The following RERE variants were observed in gnomAD, a reference collection of about 807,000 sequenced individuals.
The protein encoded by RERE is arginine-glutamic acid dipeptide repeats.
A neutral mutation model predicts 146.1 loss-of-function variants in RERE; 40 were observed. The ratio of observed to expected loss-of-function variants is 0.27; its 90% CI spans 0.21 to 0.36. RERE has a LOEUF of 0.36. Ranked by LOEUF, RERE falls within the 10% of genes least tolerant of loss-of-function variation. The pLI, the probability that RERE is intolerant of heterozygous loss-of-function variation, is 1.00. For missense variants in RERE, 1,933 were observed against 2,138.7 expected (o/e 0.90, Z 1.90); for synonymous variants, 1,003 against 866.0 (o/e 1.16, Z -2.78).
intron 1 of RERE, among the ~76,000 whole-genome samples, chr1:8,788,279 ACAT>A (rs1641295246): frequency 6.6e-6 from 1 of 152,186 alleles, no homozygotes; most frequent in African/African-American, 2.4e-5. Flanking sequence ...TGTTATAATA[ACAT>A]CATAACGTTA....
intron 12 of RERE, among the ~76,000 whole-genome samples, chr1:8,418,086 T>G (rs1356788050): frequency 2.6e-5 from 4 of 152,160 alleles, no homozygotes; most frequent in Non-Finnish European, 5.9e-5. Flanking sequence ...ATGGCAGGTA[T>G]GTAAATGTCG....
At chr1:8,501,850 C>G (rs1324558160) in intron 8 of RERE, among the ~76,000 whole-genome samples, 12 of 128,748 alleles carry the variant, frequency 9.3e-5, no homozygotes, top group Admixed American at 8.8e-4. Context: ...GTGAGGACCC[C>G]TCTGCCCGGC....
rs759456632 is a variant in RERE, at chr1:8,541,337, A to C, written c.726-19T>G. 2 of 1,471,594 alleles carry C rather than the reference A, an allele frequency of 1.4e-6. No individual in the cohort carries two copies. The highest frequency in any genetic ancestry group is 2.3e-5 in the South Asian group (2 of 87,346). The allele number at this position is 1,471,594 out of a possible 1,614,324, so 91.2% of individuals were successfully genotyped here. On this transcript the variant is annotated intron_variant, in intron 6 of 22. Coordinates refer to ENST00000400908, the MANE Select transcript of RERE (RefSeq NM_001042681.2). ...CTTCCCTCTGGGAAAAAGAGAAAAAAATAATTAGTAATACCCTCAACTGCT... is the reference window on the plus strand; with the variant it reads ...CTTCCCTCTGGGAAAAAGAGAAAAACATAATTAGTAATACCCTCAACTGCT...
At chr1:8,542,232 G>A (rs886714084) in intron 6 of RERE, among the ~76,000 whole-genome samples, 4 of 152,106 alleles carry the variant, frequency 2.6e-5, no homozygotes, top group Admixed American at 6.6e-5. Context: ...ATGCCAAGTG[G>A]AAGCCAAAGG....
chr1:8,728,775 G>A (rs1441359853), intron 1 of RERE, among the ~76,000 whole-genome samples: 1 of 152,204 alleles, frequency 6.6e-6, no homozygotes, highest in East Asian at 1.9e-4. Flanking sequence ...AGATAAAAAC[G>A]ATGGCATCCT....
At chr1:8,414,073 AG>A (rs1557619662) in intron 12 of RERE, among the ~76,000 whole-genome samples, 30 of 147,956 alleles carry the variant, frequency 2.0e-4, no homozygotes, top group African/African-American at 6.9e-4. Context: ...AAAAAAAAAA[AG>A]AAATGAGGGG....
intron 1 of RERE, among the ~76,000 whole-genome samples, chr1:8,693,038 TG>T (rs1557485081): frequency 6.6e-6 from 1 of 151,692 alleles, no homozygotes; most frequent in Non-Finnish European, 1.5e-5. Context: ...AGCAGTTATA[TG>T]AAAAAAAAAA....
At chr1:8,403,199 T>C (rs1643323413) in intron 12 of RERE, among the ~76,000 whole-genome samples, 1 of 152,090 alleles carries the variant, frequency 6.6e-6, no homozygotes, top group African/African-American at 2.4e-5. Flanking sequence ...GCCCGGCCAA[T>C]GATCCAGTCT....
chr1:8,696,652 G>A (rs1438694244), intron 1 of RERE, among the ~76,000 whole-genome samples: 6 of 152,150 alleles, frequency 3.9e-5, no homozygotes, highest in Non-Finnish European at 8.8e-5. Context: ...GTTCACGCCT[G>A]TAATCCCAGC....
chr1:8,613,510 C>T (rs1163804982), intron 4 of RERE, among the ~76,000 whole-genome samples: 2 of 152,276 alleles, frequency 1.3e-5, no homozygotes, highest in East Asian at 3.9e-4. Flanking sequence ...TCAAAACCTA[C>T]CCACCCTCAC....
At chr1:8,775,653 T>G (rs552768600) in intron 1 of RERE, among the ~76,000 whole-genome samples, 1 of 152,354 alleles carries the variant, frequency 6.6e-6, no homozygotes, top group East Asian at 1.9e-4. Context: ...TTCTAGCACC[T>G]AATATTAAAT....
chr1:8,619,633 T>C (rs1041049614), intron 3 of RERE, among the ~76,000 whole-genome samples: 17 of 152,222 alleles, frequency 1.1e-4, no homozygotes, highest in Admixed American at 6.5e-4. Flanking sequence ...CTACTTACTA[T>C]ACAAGGAACT....
At chr1:8,532,156 A>C (rs1460479331) in intron 7 of RERE, among the ~76,000 whole-genome samples, 3 of 152,238 alleles carry the variant, frequency 2.0e-5, no homozygotes, top group Non-Finnish European at 4.4e-5. Flanking sequence ...TTATTAAGGC[A>C]TTCTTATATT....
chr1:8,756,175 A>G (rs1640636264), intron 1 of RERE, among the ~76,000 whole-genome samples: 1 of 152,174 alleles, frequency 6.6e-6, no homozygotes, highest in Non-Finnish European at 1.5e-5. Context: ...AAATAATCAA[A>G]TTGTCAATTT....
At chr1:8,729,684 C>G (rs114888258) in intron 1 of RERE, among the ~76,000 whole-genome samples, 1,912 of 152,244 alleles carry the variant, frequency 0.013, 47 homozygotes, top group African/African-American at 0.045. Flanking sequence ...CCAGCCTTCT[C>G]CAGATCACAA....
Position 8,656,413 on chromosome 1 carries a change from A to C in RERE, c.-116T>G. 8 of 1,336,770 alleles carry C rather than the reference A, an allele frequency of 6.0e-6. No individual in the cohort carries two copies. Among genetic ancestry groups the C allele is most frequent in the Non-Finnish European group, 8.1e-6 (8 of 982,958 alleles). The allele number at this position is 1,336,770 out of a possible 1,614,324, so 82.8% of individuals were successfully genotyped here. On this transcript the variant is annotated 5_prime_UTR_variant, in exon 2 of 23. Coordinates refer to ENST00000400908, the MANE Select transcript of RERE (RefSeq NM_001042681.2). ...ACTCAATTCCAGGGAAAATCCAACCACTCCAACAACCCCAACGTTTCAAAA... is the reference window on the plus strand; with the variant it reads ...ACTCAATTCCAGGGAAAATCCAACCCCTCCAACAACCCCAACGTTTCAAAA...
At chr1:8,568,699 T>C (rs1646181912) in intron 4 of RERE, among the ~76,000 whole-genome samples, 1 of 152,172 alleles carries the variant, frequency 6.6e-6, no homozygotes, top group Admixed American at 6.5e-5. Context: ...TCCAGAACTA[T>C]AATAAATTTA....
chr1:8,599,959 T>C (rs1460646834), intron 4 of RERE, among the ~76,000 whole-genome samples: 2 of 152,230 alleles, frequency 1.3e-5, no homozygotes, highest in Admixed American at 6.5e-5. Flanking sequence ...TATGGTTGGC[T>C]GTGTCCCACC....
At chr1:8,729,755 G>A (rs1213998382) in intron 1 of RERE, among the ~76,000 whole-genome samples, 1 of 152,140 alleles carries the variant, frequency 6.6e-6, no homozygotes, top group Non-Finnish European at 1.5e-5. Flanking sequence ...GATGGAAAAG[G>A]GGATTATGAC....
Sources: allele counts gnomAD v4.1 joint callset (sites outside exome capture counted in the v4.1 genomes callset), GRCh38; gene constraint gnomAD v4.1.1; transcripts MANE v1.5; gene names NCBI Gene and HGNC (gene_info 2026-07-23, HGNC 2026-07-21).